Variants in ELMOD1 observed in about 807,000 individuals in gnomAD.
The protein encoded by ELMOD1 is ELMO domain containing 1.
In ELMOD1, 21 loss-of-function variants were observed where a neutral mutation model predicts 46.7. The observed-to-expected ratio is 0.45, with a 90% CI of 0.32 to 0.65. The LOEUF (loss-of-function observed/expected upper bound fraction) is 0.65, where lower values mean the gene tolerates loss of function less well. ELMOD1 is among the 30% of genes least tolerant of loss of function. The pLI is 0.04. For synonymous variants in ELMOD1, 122 were observed against 138.2 expected, an observed-to-expected ratio of 0.88 and a Z score of 0.82; for missense variants, 348 against 407.8, an observed-to-expected ratio of 0.85 and a Z score of 1.26.
intron 7 of ELMOD1, among the ~76,000 whole-genome samples, chr11:107,649,269 AT>A (rs1183838322): frequency 6.6e-6 from 1 of 152,194 alleles, no homozygotes; most frequent in Non-Finnish European, 1.5e-5. Context: ...TCTTTCCTAC[AT>A]TTAGAAGAAA....
chr11:107,644,405 C>T (rs1003373330), intron 6 of ELMOD1, among the ~76,000 whole-genome samples: 26 of 152,228 alleles, frequency 1.7e-4, no homozygotes, highest in Admixed American at 1.6e-3. Context: ...CACCCACCTA[C>T]GGAAATGAAG....
chr11:107,592,562 T>C, intron 1 of ELMOD1: 1 of 346,990 alleles, frequency 2.9e-6, no homozygotes, highest in Non-Finnish European at 6.3e-6. Flanking sequence ...CAACACGTAG[T>C]TACAGCAGAC....
chr11:107,662,447 C>T (rs1053572924), intron 11 of ELMOD1, among the ~76,000 whole-genome samples: 1 of 151,952 alleles, frequency 6.6e-6, no homozygotes, highest in African/African-American at 2.4e-5. Flanking sequence ...CCTGTCTCTA[C>T]TAAAAATACA....
chr11:107,627,510 T>C (rs1866063227), intron 2 of ELMOD1, among the ~76,000 whole-genome samples: 1 of 152,222 alleles, frequency 6.6e-6, no homozygotes, highest in Non-Finnish European at 1.5e-5. Flanking sequence ...ATATCTTTTC[T>C]TCCTTTTGAT....
chr11:107,598,503 C>G (rs142842359), intron 1 of ELMOD1, among the ~76,000 whole-genome samples: 58 of 152,318 alleles, frequency 3.8e-4, no homozygotes, highest in Admixed American at 6.5e-4. Flanking sequence ...TTAATCTGGG[C>G]ACTCTTTGAT....
intron 11 of ELMOD1, among the ~76,000 whole-genome samples, chr11:107,660,930 C>T (rs1430689286): frequency 6.6e-6 from 1 of 152,182 alleles, no homozygotes; most frequent in Non-Finnish European, 1.5e-5. Flanking sequence ...TCTGCAATAC[C>T]TAGTACTGTG....
chr11:107,595,995 T>C (rs1282101183), intron 1 of ELMOD1, among the ~76,000 whole-genome samples: 1 of 152,148 alleles, frequency 6.6e-6, no homozygotes, highest in Non-Finnish European at 1.5e-5. Context: ...AAAATAATTG[T>C]GGCAAATGCC....
chr11:107,637,003 T>G (rs1397924598), intron 6 of ELMOD1, among the ~76,000 whole-genome samples: 10 of 152,226 alleles, frequency 6.6e-5, no homozygotes, highest in Admixed American at 6.5e-4. Context: ...TCAGAATGAG[T>G]GACATCCAGG....
At chr11:107,596,941 C>A (rs1291436295) in intron 1 of ELMOD1, among the ~76,000 whole-genome samples, 2 of 152,110 alleles carry the variant, frequency 1.3e-5, no homozygotes, top group Non-Finnish European at 2.9e-5. Flanking sequence ...ATCCCTCTAG[C>A]ACACATTTAT....
intron 9 of ELMOD1, among the ~76,000 whole-genome samples, 178 bp downstream of exon 9, chr11:107,651,086 G>A (rs1246863758): frequency 4.6e-5 from 7 of 152,162 alleles, no homozygotes; most frequent in South Asian, 2.1e-4. Context: ...AAAACCAGAT[G>A]AGATTGACCA....
intron 2 of ELMOD1, among the ~76,000 whole-genome samples, chr11:107,621,935 G>GAGAATC (rs1300180515): frequency 6.6e-6 from 1 of 152,138 alleles, no homozygotes; most frequent in Non-Finnish European, 1.5e-5. Flanking sequence ...ACTGAGGCAG[G>GAGAATC]AGAATCGCTT....
rs994271687 is a variant in ELMOD1, at chr11:107,666,704, C to T, written c.*1507C>T. Reference sequence around the variant, plus strand: ...TATTAGATGTTTGTGTAACCACTTGCTTATTTAAATGAATTTTGAGTACTG... The same window carrying T: ...TATTAGATGTTTGTGTAACCACTTGTTTATTTAAATGAATTTTGAGTACTG... On this transcript the variant is annotated 3_prime_UTR_variant, in exon 12 of 12. Transcript: ENST00000265840. The T allele has an allele frequency of 6.6e-6, 1 of 152,500 alleles. No individual in the cohort carries two copies. The highest frequency in any genetic ancestry group is 1.5e-5 in the Non-Finnish European group (1 of 68,010). 9.4% of individuals were successfully genotyped at this position (152,500 alleles called of 1,614,324 possible). A position where few individuals can be genotyped will look rare whatever the true frequency, so the allele number is the denominator to read the frequency against.
Position 107,665,267 on chromosome 11 carries a change from C to T in ELMOD1, c.*70C>T. On this transcript the variant is annotated 3_prime_UTR_variant, in exon 12 of 12. Coordinates refer to ENST00000265840, the MANE Select transcript of ELMOD1 (RefSeq NM_018712.4). Reference sequence around the variant, plus strand: ...TGTCTTGTTAGATCTCTGCTTAGGTCGCAGCTCACGCATTGAATGCACACA... The same window carrying T: ...TGTCTTGTTAGATCTCTGCTTAGGTTGCAGCTCACGCATTGAATGCACACA... The T allele has an allele frequency of 4.1e-6, 6 of 1,469,148 alleles. No individual in the cohort carries two copies. Among genetic ancestry groups the T allele is most frequent in the Non-Finnish European group, 5.6e-6 (6 of 1,071,792 alleles). The allele number at this position is 1,469,148 out of a possible 1,614,324, so 91.0% of individuals were successfully genotyped here. A position where few individuals can be genotyped will look rare whatever the true frequency, so the allele number is the denominator to read the frequency against.
intron 11 of ELMOD1, among the ~76,000 whole-genome samples, chr11:107,659,637 G>C (rs888319934): frequency 2.1e-4 from 31 of 146,280 alleles, no homozygotes; most frequent in Admixed American, 6.8e-5. Flanking sequence ...AGTAACTAGA[G>C]GGGGGTTGGG....
chr11:107,649,331 G>A (rs1866485473), intron 7 of ELMOD1, among the ~76,000 whole-genome samples: 2 of 152,186 alleles, frequency 1.3e-5, no homozygotes, highest in African/African-American at 2.4e-5. Flanking sequence ...AGCAAAAAAA[G>A]CATCAACTGG....
Position 107,610,998 on chromosome 11 carries a change from CAAAAAAAA to C in ELMOD1, c.-85-7095_-85-7088del, listed in dbSNP as rs58417281. Among the ~76,000 whole-genome samples the C allele has an allele frequency of 1.7e-4, 16 of 95,776 alleles. No individual in the cohort carries two copies. In the East Asian group the frequency reaches 3.3e-3, roughly 20 times the overall value. 62.8% of individuals were successfully genotyped at this position (95,776 alleles called of 152,430 possible). ...TGTAAAACCTCAAACTGTAAGAATCCAAAAAAAAAAAAAAAAAAAGAAAACCTAGGGAA... is the reference window on the plus strand; with the variant it reads ...TGTAAAACCTCAAACTGTAAGAATCCAAAAAAAAAAAGAAAACCTAGGGAA... On this transcript the variant is annotated intron_variant, in intron 1 of 11. Transcript: ENST00000265840.
At chr11:107,647,146 C>T (rs536092702) in intron 6 of ELMOD1, among the ~76,000 whole-genome samples, 10 of 152,050 alleles carry the variant, frequency 6.6e-5, no homozygotes, top group African/African-American at 2.4e-4. Flanking sequence ...ACAATGAGAG[C>T]GAAAAGGCAA....
intron 9 of ELMOD1, chr11:107,653,555 TCTTCCTCC>T (rs1866564477): frequency 7.3e-6 from 1 of 136,902 alleles, no homozygotes; most frequent in African/African-American, 2.7e-5. Flanking sequence ...TCCCTTCCTC[TCTTCCTCC>T]CTAGCTTCCT....
chr11:107,621,570 T>C (rs1865948272), intron 2 of ELMOD1, among the ~76,000 whole-genome samples: 1 of 118,016 alleles, frequency 8.5e-6, no homozygotes, highest in African/African-American at 2.7e-5. Flanking sequence ...TAACATCCCA[T>C]TTTACAAAGG....
Sources: allele counts gnomAD v4.1 joint callset (sites outside exome capture counted in the v4.1 genomes callset), GRCh38; gene constraint gnomAD v4.1.1; transcripts MANE v1.5; gene names NCBI Gene and HGNC (gene_info 2026-07-23, HGNC 2026-07-21).